The following CCDC15 variants were observed in gnomAD, a reference collection of about 807,000 sequenced individuals.
CCDC15 encodes coiled-coil domain containing 15, also known as coiled-coil domain-containing protein 15.
CCDC15 carries 105 observed loss-of-function variants against 114.5 expected under a neutral mutation model. The observed-to-expected ratio is 0.92, with a 90% CI of 0.78 to 1.08. The LOEUF (loss-of-function observed/expected upper bound fraction) is 1.08, where lower values mean the gene tolerates loss of function less well. Among genes scored for constraint, CCDC15 ranks in the 50% least tolerant of loss-of-function variants. The pLI is 0.00. For synonymous variants in CCDC15, 334 were observed against 377.8 expected (o/e 0.88, Z 1.34); for missense variants, 1,105 against 1,093.6 (o/e 1.01, Z -0.15).
At chr11:125,017,476 A>G (rs1376621121) in intron 13 of CCDC15, among the ~76,000 whole-genome samples, 1 of 152,086 alleles carries the variant, frequency 6.6e-6, no homozygotes. Flanking sequence ...TGCATTCCTC[A>G]TGTGTTTGTG....
chr11:125,008,513 C>T (rs966305631), intron 13 of CCDC15, among the ~76,000 whole-genome samples: 6 of 152,004 alleles, frequency 3.9e-5, no homozygotes, highest in African/African-American at 1.2e-4. Flanking sequence ...TATTTCCTTT[C>T]GTTGCCTTAT....
chr11:125,022,045 A>G (rs1158656235), intron 13 of CCDC15, among the ~76,000 whole-genome samples: 1 of 151,970 alleles, frequency 6.6e-6, no homozygotes, highest in Non-Finnish European at 1.5e-5. Flanking sequence ...AGATCTCAAT[A>G]TACGCAGATC....
chr11:125,021,793 TCCCTTAG>T (rs1377298524), intron 13 of CCDC15, among the ~76,000 whole-genome samples: 2 of 151,856 alleles, frequency 1.3e-5, no homozygotes. Context: ...GCTGACGTGT[TCCCTTAG>T]CCCTTAGCTG....
chr11:124,982,084 C>T (rs573315445), intron 6 of CCDC15, among the ~76,000 whole-genome samples: 1 of 152,210 alleles, frequency 6.6e-6, no homozygotes, highest in Non-Finnish European at 1.5e-5. Context: ...TGTTCAGAGT[C>T]TGTTTTGTCT....
At position 124,975,152 on chromosome 11, in the gene CCDC15, T is replaced by TA. The variant is rs759789184; in HGVS notation, c.581dup (p.Ser196IlefsTer6). On this transcript the variant is annotated frameshift_variant, in exon 5 of 16. Transcript: ENST00000344762. LOFTEE classifies it high-confidence loss of function. ...GGCTAGCATCCTTTAAAACCGTGAT[T>TA]AAAAAAAAGGGATCAGTGTTTCCAG... 22 of 1,600,124 alleles carry TA rather than the reference T, an allele frequency of 1.4e-5. No individual in the cohort carries two copies. The highest frequency in any genetic ancestry group is 6.8e-5 in the African/African-American group (5 of 73,850).
intron 2 of CCDC15, among the ~76,000 whole-genome samples, chr11:124,957,328 C>G (rs895826799): frequency 4.6e-5 from 7 of 152,174 alleles, no homozygotes; most frequent in African/African-American, 1.7e-4. Flanking sequence ...TCCAAGATGG[C>G]TTTCTTATTC....
chr11:124,967,688 G>A (rs1473756354), intron 4 of CCDC15, among the ~76,000 whole-genome samples: 1 of 152,178 alleles, frequency 6.6e-6, no homozygotes, highest in Admixed American at 6.5e-5. Flanking sequence ...GCGAGGAGCT[G>A]TGATCCTTTG....
intron 4 of CCDC15, among the ~76,000 whole-genome samples, chr11:124,968,128 G>A (rs1310343644): frequency 2.0e-5 from 3 of 152,218 alleles, no homozygotes; most frequent in Admixed American, 1.3e-4. Flanking sequence ...ACTTGAGGAG[G>A]CAGTATGTCC....
In CCDC15 at chr11:125,040,903, T is replaced by G. The variant is rs1188269556; in HGVS notation, c.*192T>G. ...AAGATTGAAAGCTGACTTACTTCTC[T>G]CTTCTGTCTTGTGAACCATACGGAG... On this transcript the variant is annotated 3_prime_UTR_variant, in exon 16 of 16. Coordinates refer to ENST00000344762, the MANE Select transcript of CCDC15 (RefSeq NM_025004.3). 1.7e-6 allele frequency: 1 copy of G among 595,386 alleles called. No individual in the cohort carries two copies. Among genetic ancestry groups the G allele is most frequent in the African/African-American group, 1.9e-5 (1 of 53,914 alleles). The allele number at this position is 595,386 out of a possible 1,614,324, so 36.9% of individuals were successfully genotyped here.
intron 13 of CCDC15, among the ~76,000 whole-genome samples, chr11:125,030,150 T>C (rs887054716): frequency 6.6e-6 from 1 of 152,160 alleles, no homozygotes; most frequent in Non-Finnish European, 1.5e-5. Context: ...TGGGTGATGG[T>C]GAGTGGTGCT....
intron 13 of CCDC15, 123 bp downstream of exon 13, chr11:125,005,335 C>T (rs1048866458): frequency 4.1e-6 from 2 of 492,618 alleles, no homozygotes; most frequent in Non-Finnish European, 7.2e-6. Context: ...TATTTTTGAT[C>T]TGGGTGAAGT....
intron 13 of CCDC15, among the ~76,000 whole-genome samples, chr11:125,031,683 G>A (rs1426275833): frequency 1.3e-5 from 2 of 152,146 alleles, no homozygotes; most frequent in Admixed American, 6.5e-5. Flanking sequence ...CACCTATGAG[G>A]GCCTGCCAAA....
intron 4 of CCDC15, among the ~76,000 whole-genome samples, chr11:124,966,208 C>G (rs7926414): frequency 0.41 from 62,400 of 151,906 alleles, 14,061 homozygotes; most frequent in African/African-American, 0.6. Context: ...TTAACCTTCT[C>G]TCTCGTTGAT....
intron 1 of CCDC15, 123 bp from the exon 2 acceptor site, chr11:124,954,601 T>G: frequency 1.4e-6 from 1 of 720,802 alleles, no homozygotes; most frequent in East Asian, 2.6e-5. Context: ...TGTTTCCACT[T>G]CATGCCAGGC....
chr11:124,979,901 G>GT (rs1948038714), intron 6 of CCDC15, among the ~76,000 whole-genome samples: 1 of 152,116 alleles, frequency 6.6e-6, no homozygotes, highest in African/African-American at 2.4e-5. Flanking sequence ...TTGGCTCTGG[G>GT]TTTTTTGTTA....
intron 4 of CCDC15, among the ~76,000 whole-genome samples, chr11:124,966,462 GC>G (rs1947785692): frequency 6.9e-6 from 1 of 144,310 alleles, no homozygotes; most frequent in Non-Finnish European, 1.5e-5. Context: ...TGCAACCCCT[GC>G]TTTTTTTTTT....
At position 124,954,680 on chromosome 11, in the gene CCDC15, T is replaced by A. The variant is rs1947515904; in HGVS notation, c.-9-44T>A. On this transcript the variant is annotated intron_variant, in intron 1 of 15. Coordinates refer to ENST00000344762, the MANE Select transcript of CCDC15 (RefSeq NM_025004.3). ...ATGTGTTAGGAGGTTGAACTTTTAA[T>A]GCAGTCATTTGAAGATTTTAAGCTT... 3.2e-6 allele frequency: 5 copies of A among 1,574,602 alleles called. No individual in the cohort carries two copies. The East Asian group carries it at 1.1e-4, about 35-fold the overall frequency.
Position 124,959,169 on chromosome 11 carries a change from G to A in CCDC15, c.232G>A (p.Glu78Lys). The stretch of plus-strand genomic sequence containing the variant: ...AAAGGAACAGCTAAGAAAAAAACAA[G>A]AAGCTTTGAAACATTTTCAGAAACA... The part of the protein sequence containing the change: ...ELKEQLRKKQ[E>K]ALKHFQKQVK... Residue 78 changes from glutamate (E) to lysine (K), a missense_variant, in exon 3 of 16, where the codon GAA (glutamate) becomes AAA (lysine). Glu to Lys is a moderately conservative substitution (Grantham distance 56). Transcript: ENST00000344762. 4.4e-6 allele frequency: 7 copies of A among 1,589,828 alleles called. No homozygotes were observed. The highest frequency in any genetic ancestry group is 6.0e-6 in the Non-Finnish European group (7 of 1,169,594).
At chr11:125,039,562 TTC>T in intron 15 of CCDC15, 1 of 152,790 alleles carries the variant, frequency 6.5e-6, no homozygotes, top group South Asian at 2.1e-4. Flanking sequence ...TCATTAATAT[TTC>T]TGTTTCCTAT....
Sources: gnomAD v4.1 joint callset for allele counts (sites outside exome capture counted in the v4.1 genomes callset) on GRCh38, gnomAD v4.1.1 for gene constraint, MANE v1.5 for transcripts, NCBI Gene and HGNC (gene_info 2026-07-23, HGNC 2026-07-21) for gene names.